The following CCDC14 variants were observed in gnomAD, a reference collection of about 807,000 sequenced individuals.
CCDC14 encodes the protein coiled-coil domain-containing protein 14.
Under a neutral mutation model 81.4 loss-of-function variants are expected in CCDC14, and 71 were observed. That is an observed-to-expected ratio of 0.87 (90% CI 0.72 to 1.06). The LOEUF is 1.06. Ranked by LOEUF, CCDC14 falls within the 50% of genes least tolerant of loss-of-function variation. CCDC14 has a pLI of 0.00. For missense variants in CCDC14, 1,046 were observed against 1,047.3 expected, an observed-to-expected ratio of 1.00 and a Z score of 0.02; for synonymous variants, 332 against 364.8, an observed-to-expected ratio of 0.91 and a Z score of 1.03.
At position 123,933,535 on chromosome 3, in the gene CCDC14, G is replaced by A. The variant is rs2035871508; in HGVS notation, c.1426+138C>T. On this transcript the variant is annotated intron_variant, in intron 10 of 12. Coordinates refer to ENST00000409697, the MANE Select transcript of CCDC14 (RefSeq NM_001366335.1). ...AAAAAAAGGTGTATATTATTGGGAA[G>A]TGACAGCATCTTTTATTTTCTTATG... 2.2e-5 allele frequency: 14 copies of A among 628,494 alleles called. No individual in the cohort carries two copies. In the South Asian group the frequency reaches 3.0e-4, roughly 13 times the overall value. The allele number at this position is 628,494 out of a possible 1,614,324, so 38.9% of individuals were successfully genotyped here.
Position 123,944,852 on chromosome 3 carries a change from C to T in CCDC14, c.1340G>A (p.Arg447Gln), listed in dbSNP as rs72964825. 196 of 1,608,174 alleles carry T rather than the reference C, an allele frequency of 1.2e-4. No homozygotes were observed. The African/African-American group carries it at 2.2e-3, about 18-fold the overall frequency. Reference sequence around the variant, plus strand: ...ATATTCAAAGAGCAATTCTTACCTTCGTAACTGAGCATTCTCACTTCTTAA... The same window carrying T: ...ATATTCAAAGAGCAATTCTTACCTTTGTAACTGAGCATTCTCACTTCTTAA... ...QPLRSENAQL[R>Q]RQLRILNQQL... is the part of the protein sequence containing the mutation. The change falls in exon 9 of 13, where the codon CGA (arginine) becomes CAA (glutamine). Residue 447 changes from arginine (R) to glutamine (Q), a missense_variant. Transcript: ENST00000409697.
chr3:123,955,800 A>C, intron 5 of CCDC14, 43 bp downstream of exon 5: 1 of 1,431,474 alleles, frequency 7.0e-7, no homozygotes, highest in Non-Finnish European at 9.3e-7. Context: ...AAATACCCAC[A>C]ATTAAGGATT....
At chr3:123,918,505 G>A (rs1016498635) in intron 12 of CCDC14, among the ~76,000 whole-genome samples, 2 of 152,118 alleles carry the variant, frequency 1.3e-5, no homozygotes, top group Non-Finnish European at 1.5e-5. Context: ...CCAGAACTCA[G>A]GAGTGAGCTG....
At chr3:123,889,915 A>G in the CCDC14 span, among the ~76,000 whole-genome samples, 9 of 152,262 alleles carry the variant, frequency 5.9e-5, no homozygotes, top group East Asian at 1.7e-3. Context: ...GAATTAGTCC[A>G]TTTTCAAGCT....
intron 5 of CCDC14, among the ~76,000 whole-genome samples, chr3:123,902,329 A>T (rs1920215): frequency 6.6e-6 from 1 of 152,230 alleles, no homozygotes; most frequent in African/African-American, 2.4e-5. Context: ...CCATTCTGCA[A>T]TCCTAATGAA....
At chr3:123,903,765 C>T (rs1209350795) in intron 5 of CCDC14, among the ~76,000 whole-genome samples, 2 of 152,040 alleles carry the variant, frequency 1.3e-5, no homozygotes, top group South Asian at 2.1e-4. Context: ...TTTCCAGATG[C>T]GCTAGTGTAG....
At chr3:123,935,539 G>A (rs927915046) in intron 9 of CCDC14, among the ~76,000 whole-genome samples, 1 of 152,118 alleles carries the variant, frequency 6.6e-6, no homozygotes, top group African/African-American at 2.4e-5. Flanking sequence ...ATAAATTATG[G>A]TACATCCATA....
At chr3:123,894,173 T>G (rs939713652), downstream of CCDC14, among the ~76,000 whole-genome samples, 4 of 152,224 alleles carry the variant, frequency 2.6e-5, no homozygotes, top group African/African-American at 9.6e-5. Context: ...CCAACTTTAT[T>G]CTTCTGCATG....
chr3:123,938,102 T>A (rs924832214), intron 9 of CCDC14, among the ~76,000 whole-genome samples: 1 of 151,868 alleles, frequency 6.6e-6, no homozygotes, highest in African/African-American at 2.4e-5. Context: ...TCAATACTGT[T>A]TTGGGTACTT....
chr3:123,916,769 C>T (rs905757267), intron 12 of CCDC14, among the ~76,000 whole-genome samples: 1 of 152,078 alleles, frequency 6.6e-6, no homozygotes, highest in Non-Finnish European at 1.5e-5. Context: ...GTATTTAGCA[C>T]GGTTTCAGTC....
At chr3:123,889,894 T>C in the CCDC14 span, among the ~76,000 whole-genome samples, 1 of 152,140 alleles carries the variant, frequency 6.6e-6, no homozygotes, top group Non-Finnish European at 1.5e-5. Context: ...GAAATCTAGG[T>C]GGAGGTTCAT....
intron 9 of CCDC14, among the ~76,000 whole-genome samples, chr3:123,940,084 G>T (rs191056512): frequency 1.8e-4 from 27 of 151,658 alleles, no homozygotes; most frequent in Admixed American, 1.6e-3. Context: ...GAAGCTAAGG[G>T]TAGTAGGAGA....
rs2034545013 is a variant in CCDC14 at position 123,914,453 on chromosome 3, C to T, written c.*326G>A. The T allele has an allele frequency of 5.0e-6, 5 of 997,898 alleles. No individual in the cohort carries two copies. In the South Asian group the frequency reaches 2.3e-4, roughly 46 times the overall value. The allele number at this position is 997,898 out of a possible 1,614,324, so 61.8% of individuals were successfully genotyped here. ...CTTTTCCCATTATTTCTTAGGACAGCCACAGAACTATTTCAACCTGTACCC... is the reference window on the plus strand; with the variant it reads ...CTTTTCCCATTATTTCTTAGGACAGTCACAGAACTATTTCAACCTGTACCC... On this transcript the variant is annotated 3_prime_UTR_variant, in exon 13 of 13. Transcript: ENST00000409697.
At chr3:123,905,418 TTTG>T (rs1206991353) in intron 5 of CCDC14, among the ~76,000 whole-genome samples, 20 of 152,254 alleles carry the variant, frequency 1.3e-4, no homozygotes, top group African/African-American at 4.8e-4. Flanking sequence ...ACACTGAGTA[TTTG>T]AGTTGCCTTA....
intron 12 of CCDC14, among the ~76,000 whole-genome samples, chr3:123,924,930 C>T (rs1475081603): frequency 6.8e-6 from 1 of 147,962 alleles, no homozygotes; most frequent in African/African-American, 2.5e-5. Context: ...TATATATACA[C>T]ACACATATAT....
downstream of CCDC14, among the ~76,000 whole-genome samples, chr3:123,894,543 T>C (rs1262058376): frequency 6.6e-6 from 1 of 152,216 alleles, no homozygotes; most frequent in African/African-American, 2.4e-5. Context: ...TCACTTTGGG[T>C]AATACTGTCA....
downstream of CCDC14, among the ~76,000 whole-genome samples, chr3:123,909,209 T>C (rs546333955): frequency 3.9e-4 from 60 of 152,232 alleles, 1 homozygote; most frequent in Non-Finnish European, 7.4e-5. Context: ...ATATGTACCT[T>C]GGCCGTGTGC....
At chr3:123,902,651 G>A (rs2332714) in intron 5 of CCDC14, among the ~76,000 whole-genome samples, 21,454 of 151,994 alleles carry the variant, frequency 0.14, 2,658 homozygotes, top group East Asian at 0.36. Flanking sequence ...ATATGGCAGG[G>A]GAGACAATTT....
At chr3:123,943,421 T>C (rs1374218596) in intron 9 of CCDC14, among the ~76,000 whole-genome samples, 4 of 152,044 alleles carry the variant, frequency 2.6e-5, no homozygotes, top group African/African-American at 9.7e-5. Context: ...CCTGCTCCTT[T>C]TTCCTCCCCA....
Sources: allele counts gnomAD v4.1 joint callset (sites outside exome capture counted in the v4.1 genomes callset), GRCh38; gene constraint gnomAD v4.1.1; transcripts MANE v1.5; gene names NCBI Gene and HGNC (gene_info 2026-07-23, HGNC 2026-07-21).